Variants in ADGRB3 observed in about 807,000 individuals in gnomAD.
ADGRB3 encodes brain-specific angiogenesis inhibitor 3.
Under a neutral mutation model 193.4 loss-of-function variants are expected in ADGRB3, and 37 were observed. The observed-to-expected ratio is 0.19, with a 90% CI of 0.15 to 0.25. The LOEUF (loss-of-function observed/expected upper bound fraction) is 0.25, where lower values mean the gene tolerates loss of function less well. Ranked by LOEUF, ADGRB3 falls within the 10% of genes least tolerant of loss-of-function variation. The pLI, the probability that ADGRB3 is intolerant of heterozygous loss-of-function variation, is 1.00. For synonymous variants in ADGRB3, 690 were observed against 644.2 expected (o/e 1.07, Z -1.08); for missense variants, 1,637 against 1,852.9 (o/e 0.88, Z 2.14).
intron 17 of ADGRB3, among the ~76,000 whole-genome samples, chr6:69,227,365 G>A (rs1467448286): frequency 2.0e-5 from 3 of 152,154 alleles, no homozygotes; most frequent in African/African-American, 7.2e-5. Flanking sequence ...CTTTTACTCT[G>A]AGTGAGATCA....
intron 10 of ADGRB3, among the ~76,000 whole-genome samples, chr6:68,982,083 A>G (rs938557807): frequency 7.9e-5 from 12 of 151,932 alleles, no homozygotes; most frequent in Non-Finnish European, 1.5e-4. Flanking sequence ...ACGGGTTTTC[A>G]TCATGTTGGC....
intron 17 of ADGRB3, among the ~76,000 whole-genome samples, chr6:69,081,334 A>C (rs1388599291): frequency 6.6e-6 from 1 of 152,024 alleles, no homozygotes; most frequent in Non-Finnish European, 1.5e-5. Context: ...CCTGATCTCC[A>C]AAAAATGAAA....
intron 5 of ADGRB3, among the ~76,000 whole-genome samples, chr6:68,938,811 T>C (rs555854188): frequency 6.6e-6 from 1 of 152,142 alleles, no homozygotes; most frequent in East Asian, 1.9e-4. Context: ...AGATCCAGGA[T>C]CAAGTTTTAT....
At chr6:69,347,709 CA>C (rs1281125405) in intron 26 of ADGRB3, among the ~76,000 whole-genome samples, 1 of 151,882 alleles carries the variant, frequency 6.6e-6, no homozygotes, top group Non-Finnish European at 1.5e-5. Flanking sequence ...TGTTTGAGCT[CA>C]GGAGGTCAAG....
chr6:68,872,025 C>T (rs887261351), intron 3 of ADGRB3, among the ~76,000 whole-genome samples: 23 of 141,992 alleles, frequency 1.6e-4, no homozygotes, highest in Admixed American at 7.3e-5. Flanking sequence ...GACTGTCTTA[C>T]GGTTTTTGTG....
chr6:69,123,409 A>C (rs1388816351), intron 17 of ADGRB3, among the ~76,000 whole-genome samples: 1 of 152,158 alleles, frequency 6.6e-6, no homozygotes, highest in East Asian at 1.9e-4. Flanking sequence ...CAGATTGTTC[A>C]ACATTTATTC....
intron 3 of ADGRB3, among the ~76,000 whole-genome samples, chr6:68,869,891 G>A (rs765654283): frequency 2.0e-5 from 3 of 152,168 alleles, no homozygotes; most frequent in Non-Finnish European, 4.4e-5. Context: ...TGATTCTCTT[G>A]CCTCAGCCTC....
chr6:69,040,347 T>TTC (rs1554251263), intron 13 of ADGRB3, among the ~76,000 whole-genome samples: 1 of 54,374 alleles, frequency 1.8e-5, no homozygotes, highest in African/African-American at 5.7e-5. Context: ...CTTTCTTTCT[T>TTC]TCTTTCTTTC....
intron 3 of ADGRB3, among the ~76,000 whole-genome samples, chr6:68,658,903 A>G (rs958802828): frequency 2.6e-5 from 4 of 151,178 alleles, no homozygotes; most frequent in African/African-American, 9.7e-5. Flanking sequence ...AGTTGGTAAG[A>G]TGTCATTTCT....
At chr6:68,648,314 G>A (rs1186460985) in intron 3 of ADGRB3, among the ~76,000 whole-genome samples, 1 of 152,016 alleles carries the variant, frequency 6.6e-6, no homozygotes, top group Non-Finnish European at 1.5e-5. Context: ...TGATGCCTGA[G>A]GCATGTTATA....
At chr6:68,905,665 C>T (rs1228272494) in intron 3 of ADGRB3, among the ~76,000 whole-genome samples, 2 of 152,138 alleles carry the variant, frequency 1.3e-5, no homozygotes, top group Non-Finnish European at 2.9e-5. Flanking sequence ...CATTCTACAG[C>T]TCTAAGTAGA....
chr6:69,375,231 G>C (rs1243399259), intron 30 of ADGRB3, among the ~76,000 whole-genome samples: 1 of 152,082 alleles, frequency 6.6e-6, no homozygotes, highest in East Asian at 1.9e-4. Flanking sequence ...AGCACAGAAT[G>C]ATTTTTTATA....
At chr6:69,180,084 T>C (rs998116834) in intron 17 of ADGRB3, among the ~76,000 whole-genome samples, 3 of 152,078 alleles carry the variant, frequency 2.0e-5, no homozygotes, top group South Asian at 2.1e-4. Context: ...CATCCAGAGG[T>C]GTGGCAAGGC....
chr6:69,056,782 A>C (rs984648925), intron 15 of ADGRB3, among the ~76,000 whole-genome samples: 1 of 152,044 alleles, frequency 6.6e-6, no homozygotes, highest in Non-Finnish European at 1.5e-5. Context: ...TGTGTACTCT[A>C]TTCTGTTCTG....
At chr6:69,128,681 A>AT (rs1773920415) in intron 17 of ADGRB3, among the ~76,000 whole-genome samples, 1 of 152,078 alleles carries the variant, frequency 6.6e-6, no homozygotes, top group Non-Finnish European at 1.5e-5. Context: ...AAATGGTACT[A>AT]TTTTCTCTTC....
At chr6:68,974,895 T>C (rs1768698062) in intron 9 of ADGRB3, 31 bp downstream of exon 9, 1 of 1,556,372 alleles carries the variant, frequency 6.4e-7, no homozygotes, top group Non-Finnish European at 8.9e-7. Context: ...CAAACCCTAG[T>C]GATAATCCCC....
At chr6:68,805,343 T>C (rs552293361) in intron 3 of ADGRB3, among the ~76,000 whole-genome samples, 6 of 152,310 alleles carry the variant, frequency 3.9e-5, no homozygotes, top group Admixed American at 6.5e-5. Flanking sequence ...ATGTGAACAT[T>C]TTATAAGTTC....
At chr6:69,031,129 G>A (rs1204533593) in intron 13 of ADGRB3, among the ~76,000 whole-genome samples, 1 of 115,412 alleles carries the variant, frequency 8.7e-6, no homozygotes. Context: ...TCTTCTCTCT[G>A]TCTCTCTCTC....
At chr6:69,014,170 A>C in intron 12 of ADGRB3, 64 bp downstream of exon 12, 2 of 1,173,238 alleles carry the variant, frequency 1.7e-6, no homozygotes, top group Non-Finnish European at 2.5e-6. Context: ...TATGTGACTA[A>C]ATTAATGGCT....
Sources: allele counts gnomAD v4.1 joint callset (sites outside exome capture counted in the v4.1 genomes callset), GRCh38; gene constraint gnomAD v4.1.1; transcripts MANE v1.5; gene names NCBI Gene and HGNC (gene_info 2026-07-23, HGNC 2026-07-21).